The following RNASEH2B variants were observed in gnomAD, a reference collection of about 807,000 sequenced individuals.
RNASEH2B encodes the protein ribonuclease H2 subunit B.
Under a neutral mutation model 45.0 loss-of-function variants are expected in RNASEH2B, and 36 were observed. That is an observed-to-expected ratio of 0.80 (90% confidence interval 0.61 to 1.06). The LOEUF (loss-of-function observed/expected upper bound fraction) is 1.06. Among genes scored for constraint, RNASEH2B ranks in the 50% least tolerant of loss-of-function variants. The pLI is 0.00. For synonymous variants in RNASEH2B, 119 were observed against 125.7 expected (o/e 0.95, Z 0.35); for missense variants, 361 against 360.3 (o/e 1.00, Z -0.02).
At chr13:50,947,420 T>C (rs896631387) in intron 7 of RNASEH2B, among the ~76,000 whole-genome samples, 2 of 149,954 alleles carry the variant, frequency 1.3e-5, no homozygotes, top group East Asian at 3.9e-4. Context: ...TGTGTGTGTG[T>C]GTGTATGTAG....
chr13:50,929,531 G>A lies in RNASEH2B; in HGVS notation c.193G>A (p.Val65Ile), dbSNP rs541903338. 12 of 1,613,718 alleles carry A rather than the reference G, an allele frequency of 7.4e-6. No individual in the cohort carries two copies. The African/African-American group carries it at 8.0e-5, about 11-fold the overall frequency. Residue 65 changes from valine (V) to isoleucine (I), a missense_variant, in exon 3 of 11, where the codon GTT becomes ATT. Val to Ile is a conservative substitution (Grantham distance 29, BLOSUM62 3). Coordinates refer to ENST00000336617, the MANE Select transcript of RNASEH2B (RefSeq NM_024570.4). ...TCTACAGCAGCTGTTTGAAGTAAAAGTTTTCAAGGAAAAACACCATTCTTG... is the reference window on the plus strand; with the variant it reads ...TCTACAGCAGCTGTTTGAAGTAAAAATTTTCAAGGAAAAACACCATTCTTG... ...MCLQQLFEVKVFKEKHHSWFI... is the reference protein window; with the variant it reads ...MCLQQLFEVKIFKEKHHSWFI...
downstream of RNASEH2B, among the ~76,000 whole-genome samples, chr13:50,961,213 G>A (rs909916264): frequency 7.9e-5 from 12 of 151,970 alleles, no homozygotes; most frequent in African/African-American, 2.7e-4. Context: ...GTAATTTGTG[G>A]GTAAGTATTC....
chr13:50,965,975 A>G (rs74080280), intron 9 of RNASEH2B, among the ~76,000 whole-genome samples: 2,343 of 152,314 alleles, frequency 0.015, 66 homozygotes, highest in African/African-American at 0.053. Flanking sequence ...GGAATTTGGT[A>G]AACTGGCAAT....
rs184044774 is a variant in RNASEH2B, at chr13:50,970,206, C to T, written c.*242C>T. 31 of 591,590 alleles carry T rather than the reference C, an allele frequency of 5.2e-5. 1 individual carries two copies. Among genetic ancestry groups the T allele is most frequent in the Admixed American group, 1.3e-4 (4 of 31,556 alleles). The allele number at this position is 591,590 out of a possible 1,614,324, so 36.6% of individuals were successfully genotyped here. A position where few individuals can be genotyped will look rare whatever the true frequency, so the allele number is the denominator to read the frequency against. On this transcript the variant is annotated 3_prime_UTR_variant, in exon 10 of 10. Transcript: ENST00000422660. Reference sequence around the variant, plus strand: ...GTCCAGGAGCTTGAAAGCATCCCAGCGGTGCACCTGTTCAGTCTGAGGACC... The same window carrying T: ...GTCCAGGAGCTTGAAAGCATCCCAGTGGTGCACCTGTTCAGTCTGAGGACC...
At chr13:50,969,571 C>T (rs1407859273) in intron 9 of RNASEH2B, among the ~76,000 whole-genome samples, 6 of 150,388 alleles carry the variant, frequency 4.0e-5, no homozygotes, top group Admixed American at 1.3e-4. Flanking sequence ...CATCTCAGAA[C>T]GTTACTTTCG....
downstream of RNASEH2B, among the ~76,000 whole-genome samples, chr13:50,960,566 A>G (rs1007375247): frequency 4.6e-5 from 7 of 152,150 alleles, no homozygotes; most frequent in African/African-American, 1.7e-4. Context: ...TTTGGCATCT[A>G]TTGAGGTGTC....
chr13:50,930,688 C>G lies in RNASEH2B; in HGVS notation c.250C>G (p.Leu84Val), dbSNP rs143523027. ...FINQSVQSGG[L>V]LHFATPVDPL... ...ATCCTTTTTGTAATCTGCAGGAGGT[C>G]TTCTCCATTTTGCCACACCTGTGGA... is the stretch of plus-strand genomic sequence containing the variant. Residue 84 changes from leucine (L) to valine (V), a missense_variant, in exon 4 of 11, where the codon CTT (leucine) becomes GTT (valine). Coordinates refer to ENST00000336617, the MANE Select transcript of RNASEH2B (RefSeq NM_024570.4). The G allele has an allele frequency of 4.2e-5, 67 of 1,611,280 alleles. 1 individual carries two copies. The highest frequency in any genetic ancestry group is 2.1e-4 in the South Asian group (19 of 91,020).
intron 9 of RNASEH2B, among the ~76,000 whole-genome samples, chr13:50,967,256 A>G (rs1952174277): frequency 1.3e-5 from 2 of 152,194 alleles, no homozygotes; most frequent in Admixed American, 1.3e-4. Flanking sequence ...TTGCTGGAAG[A>G]AAGTCTGGAA....
intron 10 of RNASEH2B, chr13:50,955,341 A>C (rs1952031153): frequency 1.3e-5 from 2 of 149,738 alleles, no homozygotes. Flanking sequence ...ATCTGCCCAA[A>C]TAGCGAGTTA....
In RNASEH2B at chr13:50,945,394, T is replaced by C. The variant is rs952624324; in HGVS notation, c.511-33T>C. Reference sequence around the variant, plus strand: ...TAGATTTCTAAAGTTAAGTTGAAAATACCCTGCCTTTCCCCTCTTGGTTGC... The same window carrying C: ...TAGATTTCTAAAGTTAAGTTGAAAACACCCTGCCTTTCCCCTCTTGGTTGC... On this transcript the variant is annotated intron_variant, in intron 6 of 10. Coordinates refer to ENST00000336617, the MANE Select transcript of RNASEH2B (RefSeq NM_024570.4). The C allele has an allele frequency of 2.1e-6, 3 of 1,454,812 alleles. No homozygotes were observed. The African/African-American group carries it at 4.2e-5, about 20-fold the overall frequency. The allele number at this position is 1,454,812 out of a possible 1,614,324, so 90.1% of individuals were successfully genotyped here. A position where few individuals can be genotyped will look rare whatever the true frequency, so the allele number is the denominator to read the frequency against.
chr13:50,957,616 C>T (rs537518478), downstream of RNASEH2B, among the ~76,000 whole-genome samples: 27 of 152,180 alleles, frequency 1.8e-4, no homozygotes, highest in African/African-American at 6.5e-4. Context: ...AGTACATAGC[C>T]AATAGTGGCC....
chr13:50,945,378 A>G, intron 6 of RNASEH2B, 49 bp from the exon 7 acceptor site: 1 of 1,319,014 alleles, frequency 7.6e-7, no homozygotes, highest in Non-Finnish European at 1.1e-6. Flanking sequence ...ATAGATTTCT[A>G]AAGTTAAGTT....
chr13:50,932,831 T>G (rs910641943), intron 4 of RNASEH2B, among the ~76,000 whole-genome samples: 1 of 152,146 alleles, frequency 6.6e-6, no homozygotes, highest in African/African-American at 2.4e-5. Context: ...ATTTGGTAGG[T>G]AAATTAATTT....
chr13:50,947,462 G>A (rs1026874853), intron 7 of RNASEH2B, among the ~76,000 whole-genome samples: 1 of 148,204 alleles, frequency 6.7e-6, no homozygotes, highest in Non-Finnish European at 1.5e-5. Flanking sequence ...TGTATGTATA[G>A]AACTATATAT....
At chr13:50,968,020 T>C (rs1167910016) in intron 9 of RNASEH2B, among the ~76,000 whole-genome samples, 1 of 152,230 alleles carries the variant, frequency 6.6e-6, no homozygotes, top group Non-Finnish European at 1.5e-5. Flanking sequence ...TACACAGTCC[T>C]GAGGTTTATA....
chr13:50,966,376 C>T (rs1290343962), intron 9 of RNASEH2B, among the ~76,000 whole-genome samples: 2 of 152,166 alleles, frequency 1.3e-5, no homozygotes, highest in African/African-American at 4.8e-5. Flanking sequence ...AATCCTTTGG[C>T]CCTTTGCTTC....
At chr13:50,934,606 C>T (rs182258790) in intron 4 of RNASEH2B, 9 of 441,690 alleles carry the variant, frequency 2.0e-5, no homozygotes, top group Admixed American at 1.1e-4. Context: ...CTGTGGCTTC[C>T]AGTGCTTTTG....
Position 50,929,546 on chromosome 13 carries a change from C to G in RNASEH2B, c.208C>G (p.His70Asp). ...LFEVKVFKEKHHSWFINQSVQ... is the reference protein window; with the variant it reads ...LFEVKVFKEKDHSWFINQSVQ... ...TGAAGTAAAAGTTTTCAAGGAAAAA[C>G]ACCATTCTTGGTTTATAAATCAATC... Residue 70 changes from histidine to aspartate, a missense_variant, in exon 3 of 11, where the codon CAC (histidine) becomes GAC (aspartate). Transcript: ENST00000336617. 6.2e-7 allele frequency: 1 copy of G among 1,612,922 alleles called. No homozygotes were observed. Among genetic ancestry groups the G allele is most frequent in the Non-Finnish European group, 8.5e-7 (1 of 1,179,008 alleles).
chr13:50,910,396 G>A (rs893563975), intron 1 of RNASEH2B: 12 of 354,860 alleles, frequency 3.4e-5, no homozygotes, highest in Non-Finnish European at 4.5e-5. Context: ...GAGGGTGGAA[G>A]CCGACTCAGC....
Sources: allele counts gnomAD v4.1 joint callset (sites outside exome capture counted in the v4.1 genomes callset), GRCh38; gene constraint gnomAD v4.1.1; transcripts MANE v1.5; gene names NCBI Gene and HGNC (gene_info 2026-07-23, HGNC 2026-07-21).